The following EXOC6B variants were observed in gnomAD, a reference collection of about 807,000 sequenced individuals.
The protein encoded by EXOC6B is SEC15 homolog B.
In EXOC6B, 54 loss-of-function variants were observed where a neutral mutation model predicts 113.5. The ratio of observed to expected loss-of-function variants is 0.48; its 90% CI spans 0.38 to 0.60. EXOC6B has a LOEUF of 0.60. EXOC6B is among the 20% of genes least tolerant of loss of function. EXOC6B has a pLI of 0.00. For missense variants in EXOC6B, 797 were observed against 977.5 expected (o/e 0.82, Z 2.46); for synonymous variants, 357 against 339.0 (o/e 1.05, Z -0.58).
At chr2:72,542,580 C>T (rs1702664497) in intron 8 of EXOC6B, among the ~76,000 whole-genome samples, 1 of 152,186 alleles carries the variant, frequency 6.6e-6, no homozygotes, top group African/African-American at 2.4e-5. Context: ...CTTCATTACA[C>T]CTGCTATAAC....
intron 8 of EXOC6B, among the ~76,000 whole-genome samples, chr2:72,516,830 C>G (rs1701234501): frequency 6.6e-6 from 1 of 152,090 alleles, no homozygotes; most frequent in Non-Finnish European, 1.5e-5. Context: ...AGTTATAAAG[C>G]TCTTAGAACA....
chr2:72,596,985 G>C (rs993060210), intron 6 of EXOC6B, among the ~76,000 whole-genome samples: 15 of 150,592 alleles, frequency 1.0e-4, no homozygotes, highest in Admixed American at 5.3e-4. Context: ...GGGTGGAATG[G>C]GGAATAATTA....
chr2:72,737,811 T>G (rs1230490338), intron 2 of EXOC6B, among the ~76,000 whole-genome samples: 1 of 152,030 alleles, frequency 6.6e-6, no homozygotes, highest in Non-Finnish European at 1.5e-5. Context: ...AAGATCACGC[T>G]GCTGCACTCT....
At chr2:72,262,957 G>A (rs1683830062) in intron 20 of EXOC6B, among the ~76,000 whole-genome samples, 1 of 152,130 alleles carries the variant, frequency 6.6e-6, no homozygotes, top group African/African-American at 2.4e-5. Flanking sequence ...AGAGAAAATG[G>A]ATAAACAGAA....
At chr2:72,285,889 G>T (rs537996006) in intron 20 of EXOC6B, among the ~76,000 whole-genome samples, 4 of 151,994 alleles carry the variant, frequency 2.6e-5, no homozygotes, top group Admixed American at 2.6e-4. Context: ...TTAAAAAGAC[G>T]ATCCACATCA....
chr2:72,421,077 T>G (rs1694841870), intron 18 of EXOC6B, among the ~76,000 whole-genome samples: 1 of 152,254 alleles, frequency 6.6e-6, no homozygotes, highest in African/African-American at 2.4e-5. Flanking sequence ...CACTTTTTGA[T>G]GCAGTTGTTT....
In EXOC6B at chr2:72,575,567, C is replaced by T; in HGVS notation, c.771G>A (p.Glu257=). The T allele has an allele frequency of 6.2e-7, 1 of 1,611,788 alleles. No individual in the cohort carries two copies. The highest frequency in any genetic ancestry group is 8.5e-7 in the Non-Finnish European group (1 of 1,179,092). The part of the protein sequence containing the change: ...KKDAYIIFDT[E]IESTSPKSEQ... Reference sequence around the variant, plus strand: ...CAGACTTCGGACTAGTACTTTCTATCTCTGTATCAAAGATTATATATGCAT... The same window carrying T: ...CAGACTTCGGACTAGTACTTTCTATTTCTGTATCAAAGATTATATATGCAT... Residue 257 remains glutamate (E), a synonymous_variant, in exon 7 of 22, where the codon GAG becomes GAA. Transcript: ENST00000272427.
At chr2:72,821,329 A>T (rs919482069) in intron 1 of EXOC6B, among the ~76,000 whole-genome samples, 1 of 152,178 alleles carries the variant, frequency 6.6e-6, no homozygotes, top group African/African-American at 2.4e-5. Context: ...ACAAGTGTTG[A>T]CAAGGATGTG....
intron 1 of EXOC6B, among the ~76,000 whole-genome samples, chr2:72,752,913 ATTC>A (rs1041356863): frequency 2.0e-5 from 3 of 151,764 alleles, no homozygotes; most frequent in Admixed American, 1.3e-4. Context: ...TCCTTCAATA[ATTC>A]TTCTTCTTCC....
At chr2:72,690,987 G>T (rs1677443075) in intron 6 of EXOC6B, among the ~76,000 whole-genome samples, 1 of 152,142 alleles carries the variant, frequency 6.6e-6, no homozygotes, top group Non-Finnish European at 1.5e-5. Context: ...CGCTGGGCAT[G>T]ATGGCTCACA....
chr2:72,796,736 GC>G (rs1342297609), intron 1 of EXOC6B, among the ~76,000 whole-genome samples: 2 of 151,660 alleles, frequency 1.3e-5, no homozygotes, highest in Non-Finnish European at 2.9e-5. Context: ...CACGCCATAG[GC>G]CCTCTACCTT....
chr2:72,760,097 T>G (rs958979633), intron 1 of EXOC6B, among the ~76,000 whole-genome samples: 2 of 152,234 alleles, frequency 1.3e-5, no homozygotes, highest in African/African-American at 4.8e-5. Flanking sequence ...ATTAAATCAT[T>G]GTTATAGCAA....
At chr2:72,617,316 T>A (rs1318172156) in intron 6 of EXOC6B, among the ~76,000 whole-genome samples, 2 of 152,006 alleles carry the variant, frequency 1.3e-5, no homozygotes, top group Admixed American at 6.6e-5. Flanking sequence ...ATGGTGGCCC[T>A]TTTCTCACAG....
At chr2:72,324,327 C>A (rs1414257216) in intron 20 of EXOC6B, among the ~76,000 whole-genome samples, 1 of 152,130 alleles carries the variant, frequency 6.6e-6, no homozygotes, top group African/African-American at 2.4e-5. Context: ...TTCTCAATTC[C>A]TTACTTTCTG....
At chr2:72,737,322 C>G (rs1189097434) in intron 2 of EXOC6B, among the ~76,000 whole-genome samples, 1 of 151,020 alleles carries the variant, frequency 6.6e-6, no homozygotes, top group African/African-American at 2.4e-5. Flanking sequence ...CCAGCCTGGG[C>G]AACAGAGTGA....
chr2:72,306,175 T>C (rs1466653923), intron 20 of EXOC6B, among the ~76,000 whole-genome samples: 6 of 152,148 alleles, frequency 3.9e-5, no homozygotes, highest in East Asian at 3.9e-4. Context: ...CATTTAAACA[T>C]TATTTATAAA....
rs371707304 is a variant in EXOC6B at position 72,324,840 on chromosome 2, A to C, written c.2196+10107T>G. ...GAAAAGAGGGAGACACTAGAACTTA[A>C]TAGACCGAGGCAGAATTTTCTTTCT... is the stretch of plus-strand genomic sequence containing the variant. On this transcript the variant is annotated intron_variant, in intron 20 of 21. Coordinates refer to ENST00000272427, the MANE Select transcript of EXOC6B (RefSeq NM_015189.3). 1.2e-4 allele frequency among the ~76,000 whole-genome samples: 18 copies of C among 152,230 alleles called. 1 individual carries two copies. Among genetic ancestry groups the C allele is most frequent in the African/African-American group, 4.1e-4 (17 of 41,548 alleles).
At chr2:72,390,983 C>T (rs2105111040) in intron 18 of EXOC6B, among the ~76,000 whole-genome samples, 1 of 152,320 alleles carries the variant, frequency 6.6e-6, no homozygotes, top group African/African-American at 2.4e-5. Flanking sequence ...CATTTCCAAA[C>T]TGCTTCCTAG....
chr2:72,389,451 A>G (rs775986721), intron 18 of EXOC6B, among the ~76,000 whole-genome samples: 2 of 152,046 alleles, frequency 1.3e-5, no homozygotes, highest in African/African-American at 2.4e-5. Context: ...AAAATTGAGT[A>G]AAAACTTTTT....
Sources: allele counts gnomAD v4.1 joint callset (sites outside exome capture counted in the v4.1 genomes callset), GRCh38; gene constraint gnomAD v4.1.1; transcripts MANE v1.5; gene names NCBI Gene and HGNC (gene_info 2026-07-23, HGNC 2026-07-21).